Variants in SLIT1 observed in about 807,000 individuals in gnomAD.
The protein encoded by SLIT1 is slit guidance ligand 1.
Under a neutral mutation model 186.1 loss-of-function variants are expected in SLIT1, and 66 were observed. The observed-to-expected ratio is 0.35, with a 90% confidence interval of 0.29 to 0.44. The LOEUF (loss-of-function observed/expected upper bound fraction) is 0.44. Ranked by LOEUF, SLIT1 falls within the 20% of genes least tolerant of loss-of-function variation. The probability of loss-of-function intolerance (pLI) is 1.00; values close to 1 mark genes in which losing one functional copy is unlikely to be tolerated. For synonymous variants in SLIT1, 761 were observed against 833.8 expected (o/e 0.91, Z 1.50); for missense variants, 1,638 against 2,037.4 (o/e 0.80, Z 3.77).
chr10:96,998,329 A>ACTT lies in SLIT1; in HGVS notation c.*2780_*2782dup, dbSNP rs1848266523. 6.6e-6 allele frequency: 1 copy of ACTT among 152,176 alleles called. No homozygotes were observed. Among genetic ancestry groups the ACTT allele is most frequent in the Non-Finnish European group, 1.5e-5 (1 of 68,006 alleles). The allele number at this position is 152,176 out of a possible 1,614,324, so 9.4% of individuals were successfully genotyped here. A position where few individuals can be genotyped will look rare whatever the true frequency, so the allele number is the denominator to read the frequency against. On this transcript the variant is annotated 3_prime_UTR_variant, in exon 37 of 37. Coordinates refer to ENST00000266058, the MANE Select transcript of SLIT1 (RefSeq NM_003061.3). ...CTGTAAGTATTCTGTATAAAGAGAT[A>ACTT]CTTTTGCGGTTAGGCTACCAGCAGG...
rs1848620881 is a variant in SLIT1 at position 97,034,464 on chromosome 10, G to T, written c.2438+7C>A. On this transcript the variant is annotated splice_region_variant and intron_variant, in intron 23 of 36. Coordinates refer to ENST00000266058, the MANE Select transcript of SLIT1 (RefSeq NM_003061.3). ...GGGCCCCCCACCCCAGCCCTGCTGG[G>T]ACTCACAGAGTGGTCAGCTGGCTCA... 2 of 1,610,938 alleles carry T rather than the reference G, an allele frequency of 1.2e-6. No individual in the cohort carries two copies. The highest frequency in any genetic ancestry group is 4.5e-5 in the East Asian group (2 of 44,846).
intron 4 of SLIT1, among the ~76,000 whole-genome samples, chr10:97,108,926 C>T (rs1320089322): frequency 1.4e-5 from 2 of 137,934 alleles, no homozygotes; most frequent in Non-Finnish European, 3.1e-5. Context: ...AAGCCACACT[C>T]GGGACTCAGT....
intron 1 of SLIT1, among the ~76,000 whole-genome samples, chr10:97,170,996 T>A (rs1266511972): frequency 6.6e-6 from 1 of 152,082 alleles, no homozygotes; most frequent in Admixed American, 6.6e-5. Context: ...ACTAGAACGT[T>A]CCTTCCTCAT....
At chr10:97,166,971 C>T (rs548900833) in intron 1 of SLIT1, among the ~76,000 whole-genome samples, 1 of 152,310 alleles carries the variant, frequency 6.6e-6, no homozygotes, top group Non-Finnish European at 1.5e-5. Flanking sequence ...GCTGTCTCAA[C>T]ATTCAACGCA....
intron 8 of SLIT1, 75 bp downstream of exon 8, chr10:97,063,380 G>A (rs1448440349): frequency 6.6e-5 from 102 of 1,534,596 alleles, no homozygotes; most frequent in Admixed American, 8.4e-5. Flanking sequence ...TATTAATGTC[G>A]AGATTAGGGG....
chr10:97,056,669 T>C (rs1388252882), intron 12 of SLIT1, among the ~76,000 whole-genome samples: 4 of 152,222 alleles, frequency 2.6e-5, no homozygotes, highest in Non-Finnish European at 5.9e-5. Context: ...TAGGGACATC[T>C]TGGTCAACCC....
chr10:97,115,834 T>C (rs1216049616), intron 4 of SLIT1, among the ~76,000 whole-genome samples: 1 of 152,212 alleles, frequency 6.6e-6, no homozygotes, highest in African/African-American at 2.4e-5. Flanking sequence ...AGGAAGCCTG[T>C]GTCAGATTCC....
In SLIT1 at chr10:97,006,728, GA is replaced by G; in HGVS notation, c.3342-9del. On this transcript the variant is annotated splice_polypyrimidine_tract_variant and intron_variant, in intron 31 of 36. Transcript: ENST00000266058. This position sits in a 1 kb window ranked among gnomAD's most constrained non-coding sequence, Gnocchi z 4.0. ...ATCTCACAGAGCTGTCCACTGAGAG[GA>G]AAGGACATAAGTCAGAGAGGGCCAA... 1 of 1,603,252 alleles carries G rather than the reference GA, an allele frequency of 6.2e-7. No individual in the cohort carries two copies. Among genetic ancestry groups the G allele is most frequent in the Non-Finnish European group, 8.5e-7 (1 of 1,170,438 alleles).
chr10:97,129,126 G>A (rs1169419834), intron 4 of SLIT1, among the ~76,000 whole-genome samples: 5 of 152,070 alleles, frequency 3.3e-5, no homozygotes, highest in African/African-American at 1.2e-4. Context: ...ATATGGCCGG[G>A]TGCGGTGGCT....
Position 97,101,594 on chromosome 10 carries a change from C to T in SLIT1, c.414-35508G>A, listed in dbSNP as rs534162744. On this transcript the variant is annotated intron_variant, in intron 4 of 36. Transcript: ENST00000266058. ...CCCACCTTGCTGCTGGGAGCAATGTCGTGTCACAGAGCCATTGCAGTCAGC... is the reference window on the plus strand; with the variant it reads ...CCCACCTTGCTGCTGGGAGCAATGTTGTGTCACAGAGCCATTGCAGTCAGC... 7.2e-5 allele frequency among the ~76,000 whole-genome samples: 11 copies of T among 152,354 alleles called. No homozygotes were observed. In the South Asian group the frequency reaches 1.9e-3, roughly 26 times the overall value.
At chr10:97,109,503 T>A (rs1849445360) in intron 4 of SLIT1, among the ~76,000 whole-genome samples, 2 of 152,152 alleles carry the variant, frequency 1.3e-5, no homozygotes, top group South Asian at 4.1e-4. Context: ...CAGGAAACTT[T>A]CCCAGCGAGA....
chr10:97,172,321 CA>C (rs1850201376), intron 1 of SLIT1, among the ~76,000 whole-genome samples: 1 of 152,158 alleles, frequency 6.6e-6, no homozygotes, highest in Non-Finnish European at 1.5e-5. Context: ...GCTGGGATTA[CA>C]AGCATGAGCC....
intron 13 of SLIT1, among the ~76,000 whole-genome samples, chr10:97,052,442 A>G (rs1483273529): frequency 6.6e-6 from 1 of 152,208 alleles, no homozygotes; most frequent in Non-Finnish European, 1.5e-5. Context: ...AAGGCAATCT[A>G]CAGAGAAAGG....
intron 4 of SLIT1, among the ~76,000 whole-genome samples, chr10:97,099,524 T>G (rs998030216): frequency 1.3e-5 from 2 of 152,312 alleles, no homozygotes; most frequent in Middle Eastern, 3.4e-3. Context: ...TGGGTAGGTG[T>G]CCATCTGTCT....
At chr10:97,083,766 T>A (rs1253808562) in intron 4 of SLIT1, among the ~76,000 whole-genome samples, 4 of 151,932 alleles carry the variant, frequency 2.6e-5, no homozygotes, top group Non-Finnish European at 5.9e-5. Context: ...CCCCTGTAGG[T>A]TTGAAAGGCA....
At chr10:97,144,078 G>A (rs1025544831) in intron 4 of SLIT1, among the ~76,000 whole-genome samples, 2 of 152,022 alleles carry the variant, frequency 1.3e-5, no homozygotes, top group Non-Finnish European at 2.9e-5. Flanking sequence ...GGTGCCTGTG[G>A]TCCCAGGTAC....
intron 4 of SLIT1, among the ~76,000 whole-genome samples, chr10:97,090,549 T>C (rs1249123813): frequency 1.3e-5 from 2 of 151,934 alleles, no homozygotes; most frequent in Admixed American, 1.3e-4. Flanking sequence ...CTGGCTGATA[T>C]TTTATAAGGA....
intron 11 of SLIT1, chr10:97,058,057 G>A: frequency 1.4e-6 from 1 of 717,530 alleles, no homozygotes; most frequent in Admixed American, 2.0e-5. Flanking sequence ...CCCTGCAGTG[G>A]GAGCTGTGTG....
At chr10:97,086,094 A>T (rs919731646) in intron 4 of SLIT1, among the ~76,000 whole-genome samples, 1 of 152,270 alleles carries the variant, frequency 6.6e-6, no homozygotes, top group Non-Finnish European at 1.5e-5. Context: ...TCCAGTGATC[A>T]TGCTCCTTGG....
Sources: allele counts gnomAD v4.1 joint callset (sites outside exome capture counted in the v4.1 genomes callset), GRCh38; gene constraint gnomAD v4.1.1; non-coding constraint Gnocchi (gnomAD v3.1); transcripts MANE v1.5; gene names NCBI Gene and HGNC (gene_info 2026-07-23, HGNC 2026-07-21).